HHIP: variants seen among roughly 807,000 people sequenced by gnomAD.
HHIP encodes the protein hedgehog-interacting protein.
A neutral mutation model predicts 74.0 loss-of-function variants in HHIP; 12 were observed. The ratio of observed to expected loss-of-function variants is 0.16; its 90% CI spans 0.10 to 0.26. The LOEUF is 0.26. Among genes scored for constraint, HHIP ranks in the 10% least tolerant of loss-of-function variants. HHIP has a pLI of 1.00. For synonymous variants in HHIP, 309 were observed against 311.6 expected (o/e 0.99, Z 0.09); for missense variants, 788 against 845.0 (o/e 0.93, Z 0.84).
Position 144,742,596 on chromosome 4 carries a change from CT to C in HHIP, c.*4640del, listed in dbSNP as rs913687530. 3 of 151,576 alleles carry C rather than the reference CT, an allele frequency of 2.0e-5. No homozygotes were observed. Among genetic ancestry groups the C allele is most frequent in the Non-Finnish European group, 2.9e-5 (2 of 67,910 alleles). 9.4% of individuals were successfully genotyped at this position (151,576 alleles called of 1,614,324 possible). Reference sequence around the variant, plus strand: ...TTTATAAATCTTAATTTCCTCACCCCTGGGATGAGATTTGAAGTTGCAGAGG... The same window carrying C: ...TTTATAAATCTTAATTTCCTCACCCCGGGATGAGATTTGAAGTTGCAGAGG... On this transcript the variant is annotated 3_prime_UTR_variant, in exon 13 of 13. Coordinates refer to ENST00000296575, the MANE Select transcript of HHIP (RefSeq NM_022475.3).
intron 4 of HHIP, among the ~76,000 whole-genome samples, chr4:144,693,688 C>A (rs1729737577): frequency 1.3e-5 from 2 of 151,858 alleles, no homozygotes; most frequent in Admixed American, 1.3e-4. Context: ...CCAGATTAAA[C>A]TTTTTTAGAT....
At chr4:144,686,142 G>A (rs183303139) in intron 4 of HHIP, among the ~76,000 whole-genome samples, 34 of 152,266 alleles carry the variant, frequency 2.2e-4, no homozygotes, top group African/African-American at 7.2e-4. Context: ...ATAAAGAGAG[G>A]TTACTCTTGG....
intron 11 of HHIP, among the ~76,000 whole-genome samples, chr4:144,729,308 T>C (rs527893280): frequency 6.6e-6 from 1 of 152,288 alleles, no homozygotes; most frequent in East Asian, 1.9e-4. Context: ...CGTGAGGAAA[T>C]TCATTAAACC....
In HHIP at chr4:144,738,124, T is replaced by C. The variant is rs1327868204; in HGVS notation, c.*167T>C. On this transcript the variant is annotated 3_prime_UTR_variant, in exon 13 of 13. Transcript: ENST00000296575. ...CAGATCCTCTGTGTGTATGTCAGCA[T>C]GTTTGTTCACATATGCACATACACA... The C allele has an allele frequency of 7.7e-7, 1 of 1,304,308 alleles. No individual in the cohort carries two copies. Among genetic ancestry groups the C allele is most frequent in the Non-Finnish European group, 9.7e-7 (1 of 1,026,696 alleles). The allele number at this position is 1,304,308 out of a possible 1,614,324, so 80.8% of individuals were successfully genotyped here. A position where few individuals can be genotyped will look rare whatever the true frequency, so the allele number is the denominator to read the frequency against.
At chr4:144,698,399 A>C (rs1467221562) in intron 4 of HHIP, among the ~76,000 whole-genome samples, 2 of 152,202 alleles carry the variant, frequency 1.3e-5, no homozygotes, top group African/African-American at 2.4e-5. Context: ...ACAGATGCTG[A>C]CCATTGTATT....
intron 7 of HHIP, among the ~76,000 whole-genome samples, chr4:144,708,781 G>A (rs922453559): frequency 6.6e-6 from 1 of 152,180 alleles, no homozygotes; most frequent in African/African-American, 2.4e-5. Flanking sequence ...CTGACTCCTG[G>A]TAGGTTTTAA....
Position 144,743,915 on chromosome 4 carries a change from A to G in HHIP, c.*5958A>G, listed in dbSNP as rs563082520. The G allele has an allele frequency of 3.9e-5, 6 of 152,232 alleles. No individual in the cohort carries two copies. Among genetic ancestry groups the G allele is most frequent in the South Asian group, 4.1e-4 (2 of 4,830 alleles). The allele number at this position is 152,232 out of a possible 1,614,324, so 9.4% of individuals were successfully genotyped here. A position where few individuals can be genotyped will look rare whatever the true frequency, so the allele number is the denominator to read the frequency against. Reference sequence around the variant, plus strand: ...GTTTGGGATAGTATGCCCAAAACCTATGTTTCTTTACTTTATATTCTTAAA... The same window carrying G: ...GTTTGGGATAGTATGCCCAAAACCTGTGTTTCTTTACTTTATATTCTTAAA... On this transcript the variant is annotated 3_prime_UTR_variant, in exon 13 of 13. Coordinates refer to ENST00000296575, the MANE Select transcript of HHIP (RefSeq NM_022475.3).
chr4:144,731,983 C>T (rs943802837), intron 11 of HHIP, among the ~76,000 whole-genome samples: 20 of 152,244 alleles, frequency 1.3e-4, no homozygotes, highest in African/African-American at 4.3e-4. Context: ...GGACCCTGTA[C>T]TATTTATGTC....
rs1731216219 is a variant in HHIP at position 144,739,701 on chromosome 4, C to T, written c.*1744C>T. ...GGTTCAGTGCTTAGTGAACAATAGC[C>T]TGCATTAAAAAGTGCATGCATAATT... On this transcript the variant is annotated 3_prime_UTR_variant, in exon 13 of 13. Transcript: ENST00000296575. 1 of 152,166 alleles carries T rather than the reference C, an allele frequency of 6.6e-6. No homozygotes were observed. Among genetic ancestry groups the T allele is most frequent in the Admixed American group, 6.5e-5 (1 of 15,270 alleles). 9.4% of individuals were successfully genotyped at this position (152,166 alleles called of 1,614,324 possible). A position where few individuals can be genotyped will look rare whatever the true frequency, so the allele number is the denominator to read the frequency against.
intron 4 of HHIP, among the ~76,000 whole-genome samples, chr4:144,693,232 T>C (rs1011091489): frequency 2.0e-5 from 3 of 151,998 alleles, no homozygotes; most frequent in African/African-American, 7.2e-5. Context: ...TAATTTTCCA[T>C]CAGTTTTTTT....
In HHIP at chr4:144,721,594, G is replaced by GA. The variant is rs34173170; in HGVS notation, c.1760+2656dup. On this transcript the variant is annotated intron_variant, in intron 11 of 12. Coordinates refer to ENST00000296575, the MANE Select transcript of HHIP (RefSeq NM_022475.3). ...GCCTAGAACTCAGGAGTTATTTAAG[G>GA]AAAAAAAAAAAAAAAAAACTTCCAG... Among the ~76,000 whole-genome samples, 375 of 130,236 alleles carry GA rather than the reference G, an allele frequency of 2.9e-3. 2 individuals carry two copies. Among genetic ancestry groups the GA allele is most frequent in the African/African-American group, 7.3e-3 (250 of 34,136 alleles). The allele number at this position is 130,236 out of a possible 152,430, so 85.4% of individuals were successfully genotyped here. A position where few individuals can be genotyped will look rare whatever the true frequency, so the allele number is the denominator to read the frequency against.
intron 7 of HHIP, among the ~76,000 whole-genome samples, chr4:144,711,567 C>A (rs982454214): frequency 1.3e-5 from 2 of 152,106 alleles, no homozygotes; most frequent in African/African-American, 4.8e-5. Flanking sequence ...TCAACTCCCA[C>A]TTATGAGTAA....
rs2126691492 is a variant in HHIP at position 144,734,724 on chromosome 4, A to T, written c.1761-17A>T. 1.3e-6 allele frequency: 2 copies of T among 1,524,600 alleles called. No individual in the cohort carries two copies. The highest frequency in any genetic ancestry group is 4.7e-5 in the East Asian group (2 of 42,990). 94.4% of individuals were successfully genotyped at this position (1,524,600 alleles called of 1,614,324 possible). A position where few individuals can be genotyped will look rare whatever the true frequency, so the allele number is the denominator to read the frequency against. On this transcript the variant is annotated splice_polypyrimidine_tract_variant and intron_variant, in intron 11 of 12. Transcript: ENST00000296575. ...TTTCAAATGGAATACACTTTCAACT[A>T]TTGTGTTTTAATGTAGACCTTTAAT...
intron 4 of HHIP, among the ~76,000 whole-genome samples, chr4:144,696,681 T>C (rs1234053375): frequency 6.6e-6 from 1 of 152,016 alleles, no homozygotes. Context: ...TGGGGCAAGT[T>C]ACTCAATTCC....
chr4:144,687,424 T>C (rs7688093), intron 4 of HHIP, among the ~76,000 whole-genome samples: 135 of 152,316 alleles, frequency 8.9e-4, no homozygotes, highest in Middle Eastern at 3.4e-3. Context: ...TATACATTAA[T>C]GCATTAACTC....
rs1386972226 is a variant in HHIP, at chr4:144,646,674, C to T, written c.-2C>T. 4 of 1,613,420 alleles carry T rather than the reference C, an allele frequency of 2.5e-6. No homozygotes were observed. The South Asian group carries it at 3.3e-5, about 13-fold the overall frequency. ...CCCAGCCCCTGCTGCTCTGGGCAGA[C>T]GATGCTGAAGATGCTCTCCTTTAAG... On this transcript the variant is annotated 5_prime_UTR_variant, in exon 1 of 13. It adds an upstream start codon to the 5' untranslated region. Transcript: ENST00000296575.
chr4:144,663,749 C>T (rs1438762558), intron 4 of HHIP, among the ~76,000 whole-genome samples: 7 of 151,978 alleles, frequency 4.6e-5, no homozygotes, highest in Non-Finnish European at 4.4e-5. Flanking sequence ...TGTTTTTGTT[C>T]CATTTTGGAA....
Position 144,646,632 on chromosome 4 carries a change from C to A in HHIP, c.-44C>A. 3.8e-6 allele frequency: 6 copies of A among 1,585,574 alleles called. No individual in the cohort carries two copies. Among genetic ancestry groups the A allele is most frequent in the Non-Finnish European group, 5.2e-6 (6 of 1,163,612 alleles). On this transcript the variant is annotated 5_prime_UTR_variant, in exon 1 of 13. Transcript: ENST00000296575. ...GTGCCCCTGCTGGGCAGTGGCGTTC[C>A]CCCCCATCCTCCCGCGCCCAGCCCC...
intron 4 of HHIP, among the ~76,000 whole-genome samples, chr4:144,690,307 T>C (rs775401053): frequency 2.0e-5 from 3 of 152,166 alleles, no homozygotes; most frequent in Non-Finnish European, 4.4e-5. Context: ...TAAGATTTCT[T>C]CTGTATGGGG....
Sources: gnomAD v4.1 joint callset for allele counts (sites outside exome capture counted in the v4.1 genomes callset) on GRCh38, gnomAD v4.1.1 for gene constraint, MANE v1.5 for transcripts, NCBI Gene and HGNC (gene_info 2026-07-23, HGNC 2026-07-21) for gene names.